EYA4: variants seen among roughly 807,000 people sequenced by gnomAD.
EYA4 encodes protein phosphatase EYA4.
A neutral mutation model predicts 87.9 loss-of-function variants in EYA4; 31 were observed. The observed-to-expected ratio is 0.35, with a 90% CI of 0.27 to 0.48. EYA4 has a LOEUF of 0.48. Among genes scored for constraint, EYA4 ranks in the 20% least tolerant of loss-of-function variants. The pLI is 0.99. For missense variants in EYA4, 678 were observed against 761.4 expected (o/e 0.89, Z 1.29); for synonymous variants, 263 against 270.6 (o/e 0.97, Z 0.28).
At chr6:133,469,633 A>G (rs1253807497) in intron 11 of EYA4, among the ~76,000 whole-genome samples, 3 of 151,978 alleles carry the variant, frequency 2.0e-5, no homozygotes, top group East Asian at 3.9e-4. Context: ...TGCTAGAACA[A>G]TTGGACATCT....
chr6:133,407,025 A>G (rs1481736219), intron 3 of EYA4, among the ~76,000 whole-genome samples: 2 of 152,184 alleles, frequency 1.3e-5, no homozygotes, highest in Non-Finnish European at 2.9e-5. Context: ...GATTTTACAT[A>G]GAGCTGGTAT....
In EYA4 at chr6:133,335,716, G is replaced by T. The variant is rs1208060439; in HGVS notation, c.34-46676G>T. 2.6e-5 allele frequency among the ~76,000 whole-genome samples: 4 copies of T among 152,130 alleles called. No individual in the cohort carries two copies. In the South Asian group the frequency reaches 8.3e-4, roughly 32 times the overall value. ...AATGTGCACACTCTGTAGCGGGAGG[G>T]AGCATGGTGCATTGTGAATGGAACC... On this transcript the variant is annotated intron_variant, in intron 2 of 19. Transcript: ENST00000355286.
Position 133,397,419 on chromosome 6 carries a change from A to G in EYA4, c.83+14978A>G, listed in dbSNP as rs1235431030. On this transcript the variant is annotated intron_variant, in intron 3 of 19. Coordinates refer to ENST00000355286, the MANE Select transcript of EYA4 (RefSeq NM_004100.5). ...TTCCATTTCCAATCAGCTGCATTCC[A>G]TCTAGCAAATTCTTGATATTAGGGC... Among the ~76,000 whole-genome samples the G allele has an allele frequency of 5.9e-5, 9 of 152,194 alleles. No individual in the cohort carries two copies. In the East Asian group the frequency reaches 1.5e-3, roughly 26 times the overall value.
chr6:133,332,711 A>ATTTTTTTTTTTTTTTT (rs71003634), intron 2 of EYA4, among the ~76,000 whole-genome samples: 12 of 124,890 alleles, frequency 9.6e-5, no homozygotes, highest in South Asian at 2.8e-4. Context: ...GCCCAGCTAA[A>ATTTTTTTTTTTTTTTT]TTTTTTTTTT....
chr6:133,482,261 T>C (rs577420197), intron 12 of EYA4, among the ~76,000 whole-genome samples: 1 of 152,330 alleles, frequency 6.6e-6, no homozygotes, highest in Admixed American at 6.5e-5. Context: ...GTGACAGACG[T>C]TGTGATTCTT....
intron 3 of EYA4, among the ~76,000 whole-genome samples, chr6:133,422,687 A>G (rs930185863): frequency 5.2e-5 from 8 of 152,382 alleles, no homozygotes; most frequent in Middle Eastern, 3.4e-3. Context: ...AAGTATTAGA[A>G]TGTGTGCATT....
chr6:133,461,058 A>G, intron 6 of EYA4, 56 bp from the exon 7 acceptor site: 2 of 1,093,156 alleles, frequency 1.8e-6, no homozygotes, highest in Non-Finnish European at 2.8e-6. Flanking sequence ...TGTACACTCT[A>G]GTGAAATGTA....
At chr6:133,370,706 A>G (rs1176778098) in intron 2 of EYA4, among the ~76,000 whole-genome samples, 2 of 152,206 alleles carry the variant, frequency 1.3e-5, no homozygotes, top group East Asian at 1.9e-4. Flanking sequence ...AACTAATACC[A>G]ACTATTTAAA....
intron 2 of EYA4, among the ~76,000 whole-genome samples, chr6:133,307,781 A>C (rs1478265336): frequency 6.6e-6 from 1 of 152,184 alleles, no homozygotes; most frequent in African/African-American, 2.4e-5. Context: ...TTTACCCGTG[A>C]GGAAATTGAA....
At chr6:133,431,772 A>G (rs1236981206) in intron 3 of EYA4, among the ~76,000 whole-genome samples, 1 of 152,170 alleles carries the variant, frequency 6.6e-6, no homozygotes, top group African/African-American at 2.4e-5. Flanking sequence ...TTAAATTTAT[A>G]ACATTGTGTG....
At chr6:133,263,589 A>C (rs1775970502) in intron 1 of EYA4, among the ~76,000 whole-genome samples, 1 of 152,236 alleles carries the variant, frequency 6.6e-6, no homozygotes, top group Non-Finnish European at 1.5e-5. Flanking sequence ...CAACTGGAGA[A>C]GACTTGCAGA....
intron 13 of EYA4, among the ~76,000 whole-genome samples, chr6:133,487,231 G>A (rs982326619): frequency 6.6e-6 from 1 of 152,212 alleles, no homozygotes; most frequent in Non-Finnish European, 1.5e-5. Flanking sequence ...CATCTCAGCT[G>A]TTGGAACCTG....
chr6:133,425,122 G>A (rs899040634), intron 3 of EYA4, among the ~76,000 whole-genome samples: 3 of 150,842 alleles, frequency 2.0e-5, no homozygotes, highest in African/African-American at 7.4e-5. Context: ...ATGGACATTT[G>A]TGTTATTTCC....
At chr6:133,330,095 G>A (rs2128380615) in intron 2 of EYA4, among the ~76,000 whole-genome samples, 1 of 152,126 alleles carries the variant, frequency 6.6e-6, no homozygotes, top group Non-Finnish European at 1.5e-5. Flanking sequence ...GTTGAAAAGG[G>A]TATCTATAAG....
At chr6:133,243,299 C>G (rs1774126593) in intron 1 of EYA4, among the ~76,000 whole-genome samples, 2 of 152,184 alleles carry the variant, frequency 1.3e-5, no homozygotes, top group African/African-American at 2.4e-5. Context: ...TTCTCCCTTA[C>G]CCCTTTTGGC....
chr6:133,483,357 C>A (rs1426228079), intron 13 of EYA4, among the ~76,000 whole-genome samples: 1 of 151,918 alleles, frequency 6.6e-6, no homozygotes, highest in Non-Finnish European at 1.5e-5. Flanking sequence ...TACATCAAGA[C>A]CAAGCTTCTT....
intron 2 of EYA4, among the ~76,000 whole-genome samples, chr6:133,286,829 G>A (rs1778101072): frequency 6.6e-6 from 1 of 152,164 alleles, no homozygotes; most frequent in South Asian, 2.1e-4. Flanking sequence ...TTCAGGTTAG[G>A]AAAGAATTAA....
chr6:133,273,653 TATA>T (rs1776922476), intron 1 of EYA4, among the ~76,000 whole-genome samples: 1 of 152,216 alleles, frequency 6.6e-6, no homozygotes, highest in South Asian at 2.1e-4. Context: ...TTGTTTTTAT[TATA>T]ATCTTTTAAT....
At chr6:133,467,865 G>A (rs1794983678) in intron 10 of EYA4, among the ~76,000 whole-genome samples, 2 of 151,758 alleles carry the variant, frequency 1.3e-5, no homozygotes, top group African/African-American at 4.8e-5. Context: ...ATCATTTTAA[G>A]GTTCTTAAAA....
Sources: gnomAD v4.1 joint callset for allele counts (sites outside exome capture counted in the v4.1 genomes callset) on GRCh38, gnomAD v4.1.1 for gene constraint, MANE v1.5 for transcripts, NCBI Gene and HGNC (gene_info 2026-07-23, HGNC 2026-07-21) for gene names.